The following LDLRAD4 variants were observed in gnomAD, a reference collection of about 807,000 sequenced individuals.
LDLRAD4 encodes low density lipoprotein receptor class A domain containing 4, also known as low-density lipoprotein receptor class A domain-containing protein 4.
In LDLRAD4, 5 loss-of-function variants were observed where a neutral mutation model predicts 17.0. The ratio of observed to expected loss-of-function variants is 0.29; its 90% CI spans 0.15 to 0.62. LDLRAD4 has a LOEUF of 0.62. Ranked by LOEUF, LDLRAD4 falls within the 20% of genes least tolerant of loss-of-function variation. LDLRAD4 has a pLI of 0.84. For synonymous variants in LDLRAD4, 168 were observed against 171.8 expected (o/e 0.98, Z 0.17); for missense variants, 340 against 424.7 (o/e 0.80, Z 1.75).
At chr18:13,446,590 C>T (rs946201637) in intron 3 of LDLRAD4, among the ~76,000 whole-genome samples, 3 of 152,222 alleles carry the variant, frequency 2.0e-5, no homozygotes, top group South Asian at 2.1e-4. Flanking sequence ...ATCCCTTCTT[C>T]GATTGTGTCC....
chr18:13,642,274 C>T (rs1275698477), intron 4 of LDLRAD4: 6 of 988,148 alleles, frequency 6.1e-6, no homozygotes, highest in Non-Finnish European at 7.2e-6. Flanking sequence ...CCCAGCCCGC[C>T]CGTTTCCGAG....
intron 4 of LDLRAD4, among the ~76,000 whole-genome samples, chr18:13,634,608 G>A (rs2041931168): frequency 1.3e-5 from 2 of 152,150 alleles, no homozygotes; most frequent in African/African-American, 4.8e-5. Context: ...TCATGAATTG[G>A]AAGACTTAAC....
chr18:13,391,024 A>G (rs1489886902), intron 2 of LDLRAD4, among the ~76,000 whole-genome samples: 1 of 152,104 alleles, frequency 6.6e-6, no homozygotes, highest in Admixed American at 6.6e-5. Flanking sequence ...CTTTAGAAGG[A>G]GGCGCTCAGG....
chr18:13,444,689 A>G (rs992943673), intron 3 of LDLRAD4, among the ~76,000 whole-genome samples: 3 of 152,192 alleles, frequency 2.0e-5, no homozygotes, highest in African/African-American at 4.8e-5. Context: ...CTGCCAGGTG[A>G]ACAGTGCCCA....
intron 1 of LDLRAD4, among the ~76,000 whole-genome samples, chr18:13,342,477 C>CTTTTTTTT (rs10706515): frequency 3.4e-4 from 13 of 38,704 alleles, no homozygotes; most frequent in East Asian, 8.6e-4. Context: ...GCCTTCCTGT[C>CTTTTTTTT]TTTTTTTTTT....
intron 1 of LDLRAD4, among the ~76,000 whole-genome samples, chr18:13,250,557 A>G (rs1236460609): frequency 2.0e-5 from 3 of 152,232 alleles, no homozygotes; most frequent in East Asian, 3.8e-4. Flanking sequence ...AAACATCACA[A>G]TGGATACCAG....
In LDLRAD4 at chr18:13,382,269, A is replaced by G. The variant is rs1191348520; in HGVS notation, c.-382-5072A>G. ...CCCTCACATTTCCTGAACCCCATGT[A>G]TCTGTTTTTACAGTGTCTTTTAATG... On this transcript the variant is annotated intron_variant, in intron 1 of 5. Transcript: ENST00000359446. Among the ~76,000 whole-genome samples, 7 of 152,222 alleles carry G rather than the reference A, an allele frequency of 4.6e-5. No individual in the cohort carries two copies. In the South Asian group the frequency reaches 1.2e-3, roughly 27 times the overall value.
intron 1 of LDLRAD4, among the ~76,000 whole-genome samples, chr18:13,351,579 T>A (rs953462835): frequency 6.6e-6 from 1 of 152,028 alleles, no homozygotes; most frequent in East Asian, 1.9e-4. Context: ...TTCGGTTGAA[T>A]CCCTGAATAG....
intron 1 of LDLRAD4, among the ~76,000 whole-genome samples, chr18:13,259,090 G>A (rs373190620): frequency 6.6e-6 from 1 of 152,212 alleles, no homozygotes; most frequent in Admixed American, 6.5e-5. Flanking sequence ...TGCCATTCCC[G>A]CAGAGCACTT....
chr18:13,636,424 A>G (rs894539067), intron 4 of LDLRAD4, among the ~76,000 whole-genome samples: 4 of 144,644 alleles, frequency 2.8e-5, no homozygotes, highest in East Asian at 2.0e-4. Flanking sequence ...TTCATTTTAG[A>G]AAAAAAAAAA....
intron 1 of LDLRAD4, among the ~76,000 whole-genome samples, chr18:13,360,956 A>G (rs771584701): frequency 6.6e-6 from 1 of 152,200 alleles, no homozygotes; most frequent in Non-Finnish European, 1.5e-5. Flanking sequence ...TAAAAACTCC[A>G]CCACACTTTG....
At chr18:13,247,568 G>A (rs1205146056) in intron 1 of LDLRAD4, among the ~76,000 whole-genome samples, 1 of 152,156 alleles carries the variant, frequency 6.6e-6, no homozygotes, top group Non-Finnish European at 1.5e-5. Context: ...TAGAGAGCAT[G>A]CTAGTAGGTC....
At position 13,548,972 on chromosome 18, in the gene LDLRAD4, A is replaced by C. The variant is rs149289405; in HGVS notation, c.182-72145A>C. 8.1e-4 allele frequency among the ~76,000 whole-genome samples: 124 copies of C among 152,376 alleles called. 1 individual carries two copies. In the East Asian group the frequency reaches 0.015, roughly 18 times the overall value. ...AGATGGGGAATCTATTAATTATTTC[A>C]TGAGTCCTAAAGCAACTTCTTGAAT... On this transcript the variant is annotated intron_variant, in intron 3 of 5. Transcript: ENST00000359446.
chr18:13,272,406 T>C (rs1396807774), intron 1 of LDLRAD4, among the ~76,000 whole-genome samples: 1 of 152,226 alleles, frequency 6.6e-6, no homozygotes, highest in Non-Finnish European at 1.5e-5. Flanking sequence ...CGCCATTCCT[T>C]GTTCGTTCCC....
At chr18:13,642,970 C>T (rs184509293) in intron 4 of LDLRAD4, among the ~76,000 whole-genome samples, 11 of 148,932 alleles carry the variant, frequency 7.4e-5, no homozygotes, top group African/African-American at 2.7e-4. Context: ...GAGTCTCACT[C>T]TGTCGCCCAG....
At chr18:13,287,734 T>G (rs2045714029) in intron 1 of LDLRAD4, among the ~76,000 whole-genome samples, 1 of 152,214 alleles carries the variant, frequency 6.6e-6, no homozygotes, top group Non-Finnish European at 1.5e-5. Context: ...GGATTGGATT[T>G]AGTCCCAATT....
At chr18:13,357,444 G>C (rs957499530) in intron 1 of LDLRAD4, among the ~76,000 whole-genome samples, 7 of 151,902 alleles carry the variant, frequency 4.6e-5, no homozygotes, top group African/African-American at 1.7e-4. Flanking sequence ...ATTTGTTAAA[G>C]ACACTGGACC....
At chr18:13,410,199 C>T (rs915741256) in intron 2 of LDLRAD4, among the ~76,000 whole-genome samples, 3 of 152,040 alleles carry the variant, frequency 2.0e-5, no homozygotes, top group Non-Finnish European at 4.4e-5. Flanking sequence ...GCTAAGGAGA[C>T]GGGACAAACA....
chr18:13,403,032 T>C (rs550854820), intron 2 of LDLRAD4, among the ~76,000 whole-genome samples: 5 of 152,336 alleles, frequency 3.3e-5, no homozygotes, highest in East Asian at 3.9e-4. Flanking sequence ...TAAAATGATA[T>C]TGAAAAACAG....
Sources: allele counts gnomAD v4.1 joint callset (sites outside exome capture counted in the v4.1 genomes callset), GRCh38; gene constraint gnomAD v4.1.1; transcripts MANE v1.5; gene names NCBI Gene and HGNC (gene_info 2026-07-23, HGNC 2026-07-21).